Variants in CHODL observed in about 807,000 individuals in gnomAD.
The protein encoded by CHODL is transmembrane protein MT75.
CHODL carries 29 observed loss-of-function variants against 34.5 expected under a neutral mutation model. The ratio of observed to expected loss-of-function variants is 0.84; its 90% CI spans 0.63 to 1.15. The LOEUF (loss-of-function observed/expected upper bound fraction) is 1.15. Ranked by LOEUF, CHODL falls within the 50% of genes most tolerant of loss-of-function variation. CHODL has a pLI of 0.00. For missense variants in CHODL, 332 were observed against 332.5 expected (o/e 1.00, Z 0.01); for synonymous variants, 125 against 116.1 (o/e 1.08, Z -0.49).
chr21:18,200,558 C>T (rs2073639955), intron 2 of CHODL, among the ~76,000 whole-genome samples: 1 of 152,162 alleles, frequency 6.6e-6, no homozygotes, highest in East Asian at 1.9e-4. Flanking sequence ...TCTCCTATCT[C>T]ATTTCTCACA....
intron 2 of CHODL, among the ~76,000 whole-genome samples, chr21:18,160,829 T>A (rs928945920): frequency 6.6e-6 from 1 of 152,200 alleles, no homozygotes; most frequent in Non-Finnish European, 1.5e-5. Flanking sequence ...ATGATTTATA[T>A]TCATATGGGT....
At chr21:18,149,620 A>C (rs1212232051) in intron 2 of CHODL, among the ~76,000 whole-genome samples, 1 of 152,222 alleles carries the variant, frequency 6.6e-6, no homozygotes, top group Non-Finnish European at 1.5e-5. Flanking sequence ...GTCAAGCTAC[A>C]TCTCAATGAT....
At chr21:17,922,236 A>T (rs900039430) in intron 1 of CHODL, among the ~76,000 whole-genome samples, 4 of 152,156 alleles carry the variant, frequency 2.6e-5, no homozygotes, top group Non-Finnish European at 5.9e-5. Context: ...GTACCTCAGA[A>T]CAACCCAACA....
chr21:18,174,158 T>TTG (rs2073275492), intron 2 of CHODL, among the ~76,000 whole-genome samples: 1 of 96,308 alleles, frequency 1.0e-5, no homozygotes, highest in Non-Finnish European at 2.0e-5. Flanking sequence ...TATATATATA[T>TTG]ATAAAATCAA....
At chr21:17,996,901 G>A (rs2063855381) in intron 1 of CHODL, among the ~76,000 whole-genome samples, 1 of 152,048 alleles carries the variant, frequency 6.6e-6, no homozygotes, top group Non-Finnish European at 1.5e-5. Flanking sequence ...AAAATTCTAT[G>A]AGGGTAAAGA....
chr21:17,997,747 A>G (rs2063864931), intron 1 of CHODL, among the ~76,000 whole-genome samples: 1 of 152,142 alleles, frequency 6.6e-6, no homozygotes, highest in African/African-American at 2.4e-5. Flanking sequence ...CTTTTTCACT[A>G]TCATGAGAAT....
chr21:18,116,792 T>G (rs953126074), intron 2 of CHODL, among the ~76,000 whole-genome samples: 5 of 152,106 alleles, frequency 3.3e-5, no homozygotes, highest in Non-Finnish European at 7.4e-5. Context: ...GTTGAAGCCT[T>G]TGGGGCTCAG....
chr21:18,040,471 C>T (rs1466437338), intron 2 of CHODL, among the ~76,000 whole-genome samples: 1 of 151,820 alleles, frequency 6.6e-6, no homozygotes. Context: ...GGCATTTTAG[C>T]TAATACTGTT....
At chr21:18,260,896 T>G (rs746394778) in intron 4 of CHODL, among the ~76,000 whole-genome samples, 1 of 151,908 alleles carries the variant, frequency 6.6e-6, no homozygotes, top group Non-Finnish European at 1.5e-5. Flanking sequence ...CTACAAGAAA[T>G]TTCTCTAACA....
At chr21:18,171,677 A>G (rs1437795613) in intron 2 of CHODL, among the ~76,000 whole-genome samples, 1 of 151,086 alleles carries the variant, frequency 6.6e-6, no homozygotes, top group Non-Finnish European at 1.5e-5. Context: ...GGAAAATTGG[A>G]CATATTAGAT....
At chr21:18,261,123 T>C (rs1024078152) in intron 4 of CHODL, among the ~76,000 whole-genome samples, 1 of 152,196 alleles carries the variant, frequency 6.6e-6, no homozygotes, top group Admixed American at 6.5e-5. Flanking sequence ...AAAAGCTTTA[T>C]CTACATCTGG....
intron 2 of CHODL, among the ~76,000 whole-genome samples, chr21:18,128,913 T>C (rs1024183884): frequency 2.6e-5 from 4 of 152,168 alleles, no homozygotes; most frequent in Non-Finnish European, 5.9e-5. Flanking sequence ...ATAGTTCTTT[T>C]ATCTCTCTAA....
chr21:18,019,426 ATT>A (rs2064106507), intron 1 of CHODL, among the ~76,000 whole-genome samples: 1 of 133,438 alleles, frequency 7.5e-6, no homozygotes, highest in Non-Finnish European at 1.6e-5. Flanking sequence ...GAGAGATAAT[ATT>A]AAAAATAATT....
At chr21:18,217,866 A>G (rs1450221214) in intron 2 of CHODL, among the ~76,000 whole-genome samples, 1 of 152,174 alleles carries the variant, frequency 6.6e-6, no homozygotes, top group Non-Finnish European at 1.5e-5. Flanking sequence ...ACCCCATATA[A>G]GTACAAAATT....
chr21:18,249,126 C>T (rs79010587), intron 1 of CHODL, among the ~76,000 whole-genome samples: 4,415 of 126,416 alleles, frequency 0.035, 262 homozygotes, highest in African/African-American at 0.13. Flanking sequence ...TAATAAAATA[C>T]ATATATAATA....
chr21:18,179,481 A>G (rs535513206), intron 2 of CHODL, among the ~76,000 whole-genome samples: 34 of 152,294 alleles, frequency 2.2e-4, no homozygotes, highest in African/African-American at 7.5e-4. Flanking sequence ...CCTACTCTCA[A>G]TTGGTAGAAA....
chr21:18,095,826 C>T (rs374213279), intron 2 of CHODL, among the ~76,000 whole-genome samples: 30 of 152,280 alleles, frequency 2.0e-4, no homozygotes, highest in African/African-American at 3.1e-4. Flanking sequence ...GGATTTATCC[C>T]AGGGATGCAA....
rs547389086 is a variant in CHODL, at chr21:18,225,912, A to G, written c.-44-30597A>G. Among the ~76,000 whole-genome samples, 26 of 152,286 alleles carry G rather than the reference A, an allele frequency of 1.7e-4. No individual in the cohort carries two copies. The South Asian group carries it at 4.8e-3, about 28-fold the overall frequency. Reference sequence around the variant, plus strand: ...ACAAGTCTATAATAAACCTCTTAAAATATGAATTCTCTAGGTCTGGGGGGC... The same window carrying G: ...ACAAGTCTATAATAAACCTCTTAAAGTATGAATTCTCTAGGTCTGGGGGGC... On this transcript the variant is annotated intron_variant, in intron 2 of 6. Coordinates refer to the CHODL transcript ENST00000400127.
rs151206790 is a variant in CHODL at position 18,207,037 on chromosome 21, C to T, written c.-44-49472C>T. ...TCTCCTAACACTATCCCTCCTCCAG[C>T]CCCCAACCCCTGACAGGCCCTGGTG... On this transcript the variant is annotated intron_variant, in intron 2 of 6. Coordinates refer to the CHODL transcript ENST00000400127. Among the ~76,000 whole-genome samples the T allele has an allele frequency of 2.6e-5, 4 of 152,222 alleles. No homozygotes were observed. In the East Asian group the frequency reaches 7.8e-4, roughly 30 times the overall value.
Sources: gnomAD v4.1 joint callset for allele counts (sites outside exome capture counted in the v4.1 genomes callset) on GRCh38, gnomAD v4.1.1 for gene constraint, MANE v1.5 for transcripts, NCBI Gene and HGNC (gene_info 2026-07-23, HGNC 2026-07-21) for gene names.